PUS10: variants seen among roughly 807,000 people sequenced by gnomAD.
PUS10 encodes the protein pseudouridine synthase 10, also known as tRNA pseudouridine synthase Pus10.
Under a neutral mutation model 75.0 loss-of-function variants are expected in PUS10, and 59 were observed. That is an observed-to-expected ratio of 0.79 (90% CI 0.64 to 0.98). The LOEUF is 0.98. Ranked by LOEUF, PUS10 falls within the 50% of genes least tolerant of loss-of-function variation. The probability of loss-of-function intolerance (pLI) is 0.00; values close to 1 mark genes in which losing one functional copy is unlikely to be tolerated. For synonymous variants in PUS10, 219 were observed against 211.6 expected (o/e 1.03, Z -0.30); for missense variants, 650 against 614.4 (o/e 1.06, Z -0.61).
At chr2:60,974,483 C>G (rs116313560) in intron 4 of PUS10, among the ~76,000 whole-genome samples, 13,533 of 152,132 alleles carry the variant, frequency 0.089, 729 homozygotes, top group Admixed American at 0.15. Flanking sequence ...GCTAAAAGAG[C>G]TGTAAAACAA....
At chr2:60,956,993 A>C (rs1675712098) in intron 11 of PUS10, among the ~76,000 whole-genome samples, 1 of 150,476 alleles carries the variant, frequency 6.6e-6, no homozygotes, top group Non-Finnish European at 1.5e-5. Flanking sequence ...AAAAAAAAAA[A>C]AAAAAAAGAA....
Position 60,945,003 on chromosome 2 carries a change from G to C in PUS10, c.1551+6C>G, listed in dbSNP as rs751093961. 6.2e-7 allele frequency: 1 copy of C among 1,607,872 alleles called. No individual in the cohort carries two copies. Among genetic ancestry groups the C allele is most frequent in the Admixed American group, 1.7e-5 (1 of 60,000 alleles). On this transcript the variant is annotated splice_donor_region_variant and intron_variant, in intron 17 of 17. Coordinates refer to ENST00000316752, the MANE Select transcript of PUS10 (RefSeq NM_144709.4). ...CCAATGTGCATTCCACAACAAAATG[G>C]TTTACCTCAACATCCAGCTCCAGAA...
intron 12 of PUS10, among the ~76,000 whole-genome samples, chr2:60,954,593 A>G (rs1451899614): frequency 6.6e-6 from 1 of 152,250 alleles, no homozygotes; most frequent in Non-Finnish European, 1.5e-5. Flanking sequence ...ATTAAATGTC[A>G]TCATCTTTCT....
chr2:60,998,771 T>G (rs531559568), intron 4 of PUS10: 1 of 152,214 alleles, frequency 6.6e-6, no homozygotes, highest in East Asian at 1.9e-4. Flanking sequence ...CACACCACCC[T>G]GAATGTGCCT....
chr2:60,976,454 ACT>A (rs1484378927), intron 4 of PUS10, among the ~76,000 whole-genome samples: 2 of 152,054 alleles, frequency 1.3e-5, no homozygotes, highest in Non-Finnish European at 2.9e-5. Flanking sequence ...TTTGAAGCAA[ACT>A]CTGTTCTCTA....
At chr2:60,955,156 A>G (rs1675571099) in intron 11 of PUS10, 82 bp from the exon 12 acceptor site, 1 of 814,930 alleles carries the variant, frequency 1.2e-6, no homozygotes, top group Non-Finnish European at 1.9e-6. Flanking sequence ...TAGAAACCCA[A>G]CTGAAGGTCT....
chr2:60,990,318 A>C (rs1677998201), intron 4 of PUS10, among the ~76,000 whole-genome samples: 1 of 152,230 alleles, frequency 6.6e-6, no homozygotes, highest in South Asian at 2.1e-4. Flanking sequence ...CAACTAAAAA[A>C]AAATTGCATG....
At chr2:60,991,550 G>C (rs569923569) in intron 4 of PUS10, among the ~76,000 whole-genome samples, 46 of 152,248 alleles carry the variant, frequency 3.0e-4, no homozygotes, top group African/African-American at 1.1e-3. Flanking sequence ...TCAACTTCCT[G>C]GGCTCAAACA....
intron 4 of PUS10, among the ~76,000 whole-genome samples, chr2:60,980,018 A>C (rs1677284027): frequency 6.6e-6 from 1 of 152,230 alleles, no homozygotes; most frequent in East Asian, 1.9e-4. Context: ...ATTTGATTGG[A>C]AATAACAAGA....
In PUS10 at chr2:60,942,237, T is replaced by C. The variant is rs959354376; in HGVS notation, c.*158A>G. The C allele has an allele frequency of 5.9e-6, 4 of 672,796 alleles. No individual in the cohort carries two copies. The highest frequency in any genetic ancestry group is 1.1e-5 in the Non-Finnish European group (4 of 370,012). The allele number at this position is 672,796 out of a possible 1,614,324, so 41.7% of individuals were successfully genotyped here. ...ACAAAATATACACATATATAGATCC[T>C]GAGATGTTACAACAAATTAACAATT... On this transcript the variant is annotated 3_prime_UTR_variant, in exon 18 of 18. Coordinates refer to ENST00000316752, the MANE Select transcript of PUS10 (RefSeq NM_144709.4).
intron 5 of PUS10, among the ~76,000 whole-genome samples, chr2:60,969,100 G>C (rs1157627596): frequency 1.3e-5 from 2 of 152,148 alleles, no homozygotes; most frequent in Non-Finnish European, 2.9e-5. Flanking sequence ...AAAGTCCAAA[G>C]GGTTGTTACA....
At chr2:61,010,888 T>C (rs1015625057) in intron 2 of PUS10, 1 of 1,549,602 alleles carries the variant, frequency 6.5e-7, no homozygotes, top group Non-Finnish European at 8.7e-7. Context: ...AGTTTCTTCA[T>C]CTGAAAATAG....
At chr2:60,954,970 G>A in intron 12 of PUS10, 48 bp downstream of exon 12, 2 of 1,272,364 alleles carry the variant, frequency 1.6e-6, no homozygotes, top group Non-Finnish European at 1.1e-6. Context: ...TAGAAAGGAT[G>A]ATAATCAGAA....
intron 15 of PUS10, among the ~76,000 whole-genome samples, chr2:60,951,509 C>T (rs1195689991): frequency 6.6e-6 from 1 of 152,174 alleles, no homozygotes; most frequent in Non-Finnish European, 1.5e-5. Context: ...GACGGATCAT[C>T]AGGCATTAGA....
chr2:60,990,141 C>G (rs1677986269), intron 4 of PUS10, among the ~76,000 whole-genome samples: 1 of 152,112 alleles, frequency 6.6e-6, no homozygotes, highest in Non-Finnish European at 1.5e-5. Context: ...CACCCATACA[C>G]ATACTCACAC....
intron 3 of PUS10, among the ~76,000 whole-genome samples, chr2:61,007,681 A>G (rs964740629): frequency 4.7e-5 from 7 of 149,304 alleles, no homozygotes; most frequent in African/African-American, 1.5e-4. Context: ...AGGCAAGAGA[A>G]TCATTTGAAC....
chr2:61,000,046 G>A (rs1678752493), intron 4 of PUS10, among the ~76,000 whole-genome samples: 1 of 152,108 alleles, frequency 6.6e-6, no homozygotes, highest in African/African-American at 2.4e-5. Context: ...GGGCTCGGGG[G>A]TCCTAGAACC....
In PUS10 at chr2:61,008,743, GA is replaced by G. The variant is rs2104712627; in HGVS notation, c.381+17del. The stretch of plus-strand genomic sequence containing the variant: ...ATCTCTACATAATTGCACCTATAAT[GA>G]AAAACAGGTTATTTACCTTTTTAAT... On this transcript the variant is annotated intron_variant, in intron 3 of 17. Transcript: ENST00000316752. The G allele has an allele frequency of 1.3e-6, 2 of 1,526,852 alleles. No individual in the cohort carries two copies. Among genetic ancestry groups the G allele is most frequent in the East Asian group, 4.5e-5 (2 of 44,112 alleles). The allele number at this position is 1,526,852 out of a possible 1,614,324, so 94.6% of individuals were successfully genotyped here.
In PUS10 at chr2:61,009,139, A is replaced by C. The variant is rs1400771528; in HGVS notation, c.127-124T>G. The stretch of plus-strand genomic sequence containing the variant: ...ATATCACAAATTTTACAATGTTGAC[A>C]TATCAATTCTGAAGCAATCCAGTTA... On this transcript the variant is annotated intron_variant, in intron 2 of 17. Transcript: ENST00000316752. 6.1e-6 allele frequency: 5 copies of C among 819,252 alleles called. No homozygotes were observed. The East Asian group carries it at 1.3e-4, about 21-fold the overall frequency. The allele number at this position is 819,252 out of a possible 1,614,324, so 50.7% of individuals were successfully genotyped here.
Sources: allele counts gnomAD v4.1 joint callset (sites outside exome capture counted in the v4.1 genomes callset), GRCh38; gene constraint gnomAD v4.1.1; transcripts MANE v1.5; gene names NCBI Gene and HGNC (gene_info 2026-07-23, HGNC 2026-07-21).